The following FAM43A variants were observed in gnomAD, a reference collection of about 807,000 sequenced individuals.
The protein encoded by FAM43A is family with sequence similarity 43 member A, also known as protein FAM43A.
A neutral mutation model predicts 15.7 loss-of-function variants in FAM43A; 11 were observed. The ratio of observed to expected loss-of-function variants is 0.70; its 90% CI spans 0.44 to 1.16. The LOEUF (loss-of-function observed/expected upper bound fraction) is 1.16, where lower values mean the gene tolerates loss of function less well. Ranked by LOEUF, FAM43A falls within the 50% of genes most tolerant of loss-of-function variation. The pLI is 0.00. For synonymous variants in FAM43A, 319 were observed against 291.7 expected, an observed-to-expected ratio of 1.09 and a Z score of -0.96; for missense variants, 573 against 620.0, an observed-to-expected ratio of 0.92 and a Z score of 0.80.
At position 194,687,808 on chromosome 3, in the gene FAM43A, G is replaced by A. The variant is rs202084135; in HGVS notation, c.982G>A (p.Gly328Ser). 348 of 1,454,218 alleles carry A rather than the reference G, an allele frequency of 2.4e-4. 1 individual carries two copies. In the African/African-American group the frequency reaches 4.6e-3, roughly 19 times the overall value. 90.1% of individuals were successfully genotyped at this position (1,454,218 alleles called of 1,614,324 possible). A position where few individuals can be genotyped will look rare whatever the true frequency, so the allele number is the denominator to read the frequency against. ...ENGRGEALGGGGGSLGPGAGP... is the reference protein window; with the variant it reads ...ENGRGEALGGSGGSLGPGAGP... ...TGGCCGTGGGGAGGCGCTAGGAGGC[G>A]GCGGGGGCTCCCTGGGCCCGGGGGC... Residue 328 changes from glycine (G) to serine (S), a missense_variant, in exon 1 of 1, where the codon GGC (glycine) becomes AGC (serine). Physicochemically the swap from Gly to Ser is moderately conservative, Grantham distance 56. Coordinates refer to ENST00000329759, the MANE Select transcript of FAM43A (RefSeq NM_153690.5).
chr3:194,687,097 C>G lies in FAM43A; in HGVS notation c.271C>G (p.Leu91Val), dbSNP rs545455168. 6.2e-7 allele frequency: 1 copy of G among 1,613,670 alleles called. No homozygotes were observed. The highest frequency in any genetic ancestry group is 1.1e-5 in the South Asian group (1 of 91,086). ...IQARGDGCTD[L>V]AVGKIWSKSE... ...GGCGCGCGGCGACGGCTGCACCGACCTTGCTGTGGGCAAGATCTGGAGCAA... is the reference window on the plus strand; with the variant it reads ...GGCGCGCGGCGACGGCTGCACCGACGTTGCTGTGGGCAAGATCTGGAGCAA... Residue 91 changes from leucine to valine, a missense_variant, in exon 1 of 1, where the codon CTT becomes GTT. Coordinates refer to ENST00000329759, the MANE Select transcript of FAM43A (RefSeq NM_153690.5).
At position 194,687,679 on chromosome 3, in the gene FAM43A, C is replaced by T. The variant is rs1250414390; in HGVS notation, c.853C>T (p.Arg285Cys). 7.0e-6 allele frequency: 11 copies of T among 1,562,332 alleles called. No homozygotes were observed. Among genetic ancestry groups the T allele is most frequent in the South Asian group, 3.5e-5 (3 of 85,244 alleles). Residue 285 changes from arginine to cysteine, a missense_variant, in exon 1 of 1, where the codon CGT becomes TGT. Coordinates refer to ENST00000329759, the MANE Select transcript of FAM43A (RefSeq NM_153690.5). ...PEGCPEEEENRAAEGDPAEEE... is the reference protein window; with the variant it reads ...PEGCPEEEENCAAEGDPAEEE... ...GGGCTGCCCGGAGGAGGAGGAGAAC[C>T]GTGCGGCAGAGGGAGATCCAGCAGA...
In FAM43A at chr3:194,686,975, T is replaced by G; in HGVS notation, c.149T>G (p.Val50Gly). Residue 50 changes from valine (V) to glycine (G), a missense_variant, in exon 1 of 1, where the codon GTG (valine) becomes GGG (glycine). Val to Gly is a moderately radical substitution (Grantham distance 109). Transcript: ENST00000329759. Reference protein sequence around the residue: ...RACPEGALSRVGSMFRSKRKK... With the variant: ...RACPEGALSRGGSMFRSKRKK... ...TGCCCCGAAGGCGCGCTTAGCCGGG[T>G]GGGCAGCATGTTCCGCTCCAAGCGC... 1 of 1,610,828 alleles carries G rather than the reference T, an allele frequency of 6.2e-7. No individual in the cohort carries two copies. The highest frequency in any genetic ancestry group is 8.5e-7 in the Non-Finnish European group (1 of 1,178,036).
At position 194,687,910 on chromosome 3, in the gene FAM43A, G is replaced by A; in HGVS notation, c.1084G>A (p.Glu362Lys). 6.8e-7 allele frequency: 1 copy of A among 1,464,146 alleles called. No homozygotes were observed. Among genetic ancestry groups the A allele is most frequent in the Non-Finnish European group, 9.0e-7 (1 of 1,108,008 alleles). 90.7% of individuals were successfully genotyped at this position (1,464,146 alleles called of 1,614,324 possible). Reference sequence around the variant, plus strand: ...GTCGCAACTTATTAGCGACCTGGGCGAGCTCAGCTTCGGCAACGACGTGCG... The same window carrying A: ...GTCGCAACTTATTAGCGACCTGGGCAAGCTCAGCTTCGGCAACGACGTGCG... ...ELSQLISDLG[E>K]LSFGNDVRTL... Residue 362 changes from glutamate to lysine, a missense_variant, in exon 1 of 1, where the codon GAG becomes AAG. Physicochemically the swap from Glu to Lys is moderately conservative, Grantham distance 56. Transcript: ENST00000329759.
At position 194,687,563 on chromosome 3, in the gene FAM43A, G is replaced by C. The variant is rs1222467915; in HGVS notation, c.737G>C (p.Ser246Thr). The C allele has an allele frequency of 6.3e-7, 1 of 1,586,390 alleles. No individual in the cohort carries two copies. Among genetic ancestry groups the C allele is most frequent in the Non-Finnish European group, 8.6e-7 (1 of 1,166,486 alleles). Residue 246 changes from serine (S) to threonine (T), a missense_variant, in exon 1 of 1, where the codon AGC becomes ACC. By Grantham distance (58) the Ser-to-Thr change is moderately conservative. Transcript: ENST00000329759. ...AAACCGCCGGTGGAGCGCAGCCGCAGCGCGCCCAAGCTTGGCTCCATCACC... is the reference window on the plus strand; with the variant it reads ...AAACCGCCGGTGGAGCGCAGCCGCACCGCGCCCAAGCTTGGCTCCATCACC... ...CYKPPVERSR[S>T]APKLGSITED...
At position 194,686,918 on chromosome 3, in the gene FAM43A, A is replaced by G. The variant is rs1719430570; in HGVS notation, c.92A>G (p.His31Arg). The G allele has an allele frequency of 2.5e-6, 4 of 1,610,220 alleles. No homozygotes were observed. In the South Asian group the frequency reaches 4.4e-5, roughly 18 times the overall value. ...SKPKGYAVSL[H>R]YSALSSLARA... Reference sequence around the variant, plus strand: ...CCCAAGGGCTACGCTGTGAGCCTGCACTACTCGGCGCTCAGCTCGCTGGCG... The same window carrying G: ...CCCAAGGGCTACGCTGTGAGCCTGCGCTACTCGGCGCTCAGCTCGCTGGCG... The change falls in exon 1 of 1, where the codon CAC becomes CGC. Residue 31 changes from histidine to arginine, a missense_variant. His to Arg is a conservative substitution (Grantham distance 29). Transcript: ENST00000329759.
chr3:194,688,033 G>A lies in FAM43A; in HGVS notation c.1207G>A (p.Ala403Thr). 1 of 1,417,648 alleles carries A rather than the reference G, an allele frequency of 7.1e-7. No homozygotes were observed. Among genetic ancestry groups the A allele is most frequent in the South Asian group, 1.7e-5 (1 of 59,706 alleles). The allele number at this position is 1,417,648 out of a possible 1,614,324, so 87.8% of individuals were successfully genotyped here. A position where few individuals can be genotyped will look rare whatever the true frequency, so the allele number is the denominator to read the frequency against. ...GGGCGGGGGCCCTGACGCCACCTCC[G>A]CCACCGCCGGGGACTCGTCCCGCCA... ...IEGGGPDATSATAGDSSRQAD... is the reference protein window; with the variant it reads ...IEGGGPDATSTTAGDSSRQAD... The change falls in exon 1 of 1, where the codon GCC (alanine) becomes ACC (threonine). Residue 403 changes from alanine to threonine, a missense_variant. Transcript: ENST00000329759.
In FAM43A at chr3:194,687,384, G is replaced by A; in HGVS notation, c.558G>A (p.Leu186=). The A allele has an allele frequency of 6.5e-7, 1 of 1,537,862 alleles. No homozygotes were observed. The highest frequency in any genetic ancestry group is 8.7e-7 in the Non-Finnish European group (1 of 1,144,126). Residue 186 remains leucine, a synonymous_variant, in exon 1 of 1, where the codon CTG becomes CTA. Coordinates refer to ENST00000329759, the MANE Select transcript of FAM43A (RefSeq NM_153690.5). ...SKPEKAQAMA[L]LLYQTSANAL... Reference sequence around the variant, plus strand: ...CCGAAAAGGCGCAGGCCATGGCCCTGCTGCTCTACCAGACGTCGGCCAACG... The same window carrying A: ...CCGAAAAGGCGCAGGCCATGGCCCTACTGCTCTACCAGACGTCGGCCAACG...
Position 194,687,519 on chromosome 3 carries a change from A to T in FAM43A, c.693A>T (p.Leu231=). 6.4e-7 allele frequency: 1 copy of T among 1,563,792 alleles called. No individual in the cohort carries two copies. Residue 231 remains leucine, a synonymous_variant, in exon 1 of 1, where the codon CTA becomes CTT. Transcript: ENST00000329759. ...IPLVPLRKLL[L]HGPCCYKPPV... is the part of the protein sequence containing the mutation. ...TAGTGCCGCTGCGCAAGCTGCTCCT[A>T]CACGGACCCTGCTGCTATAAACCGC...
rs530363183 is a variant in FAM43A at position 194,686,190 on chromosome 3, A to G, written c.-637A>G. On this transcript the variant is annotated 5_prime_UTR_variant, in exon 1 of 1. Transcript: ENST00000329759. ...GGGCCCGCCGCGGCCAGCCGGACCCAGCATCCGACCGCACTTTGGGCGAGC... is the reference window on the plus strand; with the variant it reads ...GGGCCCGCCGCGGCCAGCCGGACCCGGCATCCGACCGCACTTTGGGCGAGC... Among the ~76,000 whole-genome samples the G allele has an allele frequency of 3.9e-4, 60 of 152,276 alleles. 1 individual carries two copies. In the South Asian group the frequency reaches 0.012, roughly 30 times the overall value.
rs1297116632 is a variant in FAM43A, at chr3:194,688,388, G to T, written c.*290G>T. 2 of 336,138 alleles carry T rather than the reference G, an allele frequency of 5.9e-6. No homozygotes were observed. Among genetic ancestry groups the T allele is most frequent in the Non-Finnish European group, 1.1e-5 (2 of 178,470 alleles). The allele number at this position is 336,138 out of a possible 1,614,324, so 20.8% of individuals were successfully genotyped here. On this transcript the variant is annotated 3_prime_UTR_variant, in exon 1 of 1. Coordinates refer to ENST00000329759, the MANE Select transcript of FAM43A (RefSeq NM_153690.5). ...CCCCTCTGGGATGCGGGTGAGGGAAGGTTGGCTGAAGTTCCTAGTCTCAGG... is the reference window on the plus strand; with the variant it reads ...CCCCTCTGGGATGCGGGTGAGGGAATGTTGGCTGAAGTTCCTAGTCTCAGG...
rs1719455995 is a variant in FAM43A at position 194,687,792 on chromosome 3, G to A, written c.966G>A (p.Gly322=). 2 of 1,458,140 alleles carry A rather than the reference G, an allele frequency of 1.4e-6. No individual in the cohort carries two copies. The highest frequency in any genetic ancestry group is 1.8e-6 in the Non-Finnish European group (2 of 1,101,692). 90.3% of individuals were successfully genotyped at this position (1,458,140 alleles called of 1,614,324 possible). A position where few individuals can be genotyped will look rare whatever the true frequency, so the allele number is the denominator to read the frequency against. ...TGGATACTCTGGAGAATGGCCGTGG[G>A]GAGGCGCTAGGAGGCGGCGGGGGCT... ...DLLDTLENGR[G]EALGGGGGSL... The change falls in exon 1 of 1, where the codon GGG becomes GGA. Residue 322 remains glycine, a synonymous_variant. Transcript: ENST00000329759.
In FAM43A at chr3:194,687,627, GGAGGAA is replaced by G. The variant is rs1295144809; in HGVS notation, c.813_818del (p.Glu272_Glu273del). 1.3e-6 allele frequency: 2 copies of G among 1,566,574 alleles called. No individual in the cohort carries two copies. The highest frequency in any genetic ancestry group is 1.9e-5 in the Admixed American group (1 of 52,948). On this transcript the variant is annotated inframe_deletion, in exon 1 of 1. Coordinates refer to ENST00000329759, the MANE Select transcript of FAM43A (RefSeq NM_153690.5). ...GCGAACAGCTGGAGCAGGAGCTGCA[GGAGGAA>G]GAGGAAGAGGAGCAACCCGAGGGCT... is the stretch of plus-strand genomic sequence containing the variant.
chr3:194,687,080 G>A lies in FAM43A; in HGVS notation c.254G>A (p.Gly85Asp), dbSNP rs749751468. Reference protein sequence around the residue: ...LGNATTIQARGDGCTDLAVGK... With the variant: ...LGNATTIQARDDGCTDLAVGK... The stretch of plus-strand genomic sequence containing the variant: ...AATGCCACCACCATCCAGGCGCGCG[G>A]CGACGGCTGCACCGACCTTGCTGTG... The change falls in exon 1 of 1, where the codon GGC (glycine) becomes GAC (aspartate). Residue 85 changes from glycine (G) to aspartate (D), a missense_variant. Transcript: ENST00000329759. The A allele has an allele frequency of 6.2e-7, 1 of 1,613,676 alleles. No homozygotes were observed. Among genetic ancestry groups the A allele is most frequent in the Admixed American group, 1.7e-5 (1 of 60,036 alleles).
Position 194,687,109 on chromosome 3 carries a change from A to C in FAM43A, c.283A>C (p.Lys95Gln). 6.2e-7 allele frequency: 1 copy of C among 1,613,598 alleles called. No homozygotes were observed. The change falls in exon 1 of 1, where the codon AAG becomes CAG. Residue 95 changes from lysine (K) to glutamine (Q), a missense_variant. Lys to Gln is a moderately conservative substitution (Grantham distance 53). Coordinates refer to ENST00000329759, the MANE Select transcript of FAM43A (RefSeq NM_153690.5). ...GDGCTDLAVGKIWSKSEAGRQ... is the reference protein window; with the variant it reads ...GDGCTDLAVGQIWSKSEAGRQ... Reference sequence around the variant, plus strand: ...CGGCTGCACCGACCTTGCTGTGGGCAAGATCTGGAGCAAGAGCGAGGCGGG... The same window carrying C: ...CGGCTGCACCGACCTTGCTGTGGGCCAGATCTGGAGCAAGAGCGAGGCGGG...
rs777326075 is a variant in FAM43A at position 194,687,872 on chromosome 3, T to G, written c.1046T>G (p.Met349Arg). 38 of 1,467,034 alleles carry G rather than the reference T, an allele frequency of 2.6e-5. No individual in the cohort carries two copies. Among genetic ancestry groups the G allele is most frequent in the Non-Finnish European group, 3.2e-5 (35 of 1,108,884 alleles). The allele number at this position is 1,467,034 out of a possible 1,614,324, so 90.9% of individuals were successfully genotyped here. ...PPLLLGSASDMKAELSQLISD... is the reference protein window; with the variant it reads ...PPLLLGSASDRKAELSQLISD... The stretch of plus-strand genomic sequence containing the variant: ...CTGCTGCTGGGCAGCGCCTCCGACA[T>G]GAAGGCTGAGCTGTCGCAACTTATT... Residue 349 changes from methionine (M) to arginine (R), a missense_variant, in exon 1 of 1, where the codon ATG becomes AGG. By Grantham distance (91) the Met-to-Arg change is moderately conservative. Transcript: ENST00000329759.
chr3:194,687,359 C>T lies in FAM43A; in HGVS notation c.533C>T (p.Pro178Leu). ...TGCCACGCCGTGCTGGTGTCCAAGC[C>T]CGAAAAGGCGCAGGCCATGGCCCTG... Reference protein sequence around the residue: ...LRCHAVLVSKPEKAQAMALLL... With the variant: ...LRCHAVLVSKLEKAQAMALLL... Residue 178 changes from proline to leucine, a missense_variant, in exon 1 of 1, where the codon CCC (proline) becomes CTC (leucine). Transcript: ENST00000329759. The T allele has an allele frequency of 6.5e-7, 1 of 1,540,842 alleles. No individual in the cohort carries two copies.
rs1434247331 is a variant in FAM43A, at chr3:194,688,411, A to G, written c.*313A>G. 7.0e-6 allele frequency: 2 copies of G among 285,080 alleles called. No individual in the cohort carries two copies. The highest frequency in any genetic ancestry group is 5.4e-5 in the Admixed American group (1 of 18,678). 17.7% of individuals were successfully genotyped at this position (285,080 alleles called of 1,614,324 possible). On this transcript the variant is annotated 3_prime_UTR_variant, in exon 1 of 1. Coordinates refer to ENST00000329759, the MANE Select transcript of FAM43A (RefSeq NM_153690.5). ...AAGGTTGGCTGAAGTTCCTAGTCTC[A>G]GGCCGTAGGTGCCTGGCCAGTTTCC...
At position 194,687,651 on chromosome 3, in the gene FAM43A, C is replaced by A; in HGVS notation, c.825C>A (p.Pro275=). ...ELQEEEEEEQ[P]EGCPEEEENR... is the part of the protein sequence containing the mutation. ...AGGAGGAAGAGGAAGAGGAGCAACC[C>A]GAGGGCTGCCCGGAGGAGGAGGAGA... Residue 275 remains proline, a synonymous_variant, in exon 1 of 1, where the codon CCC becomes CCA. Transcript: ENST00000329759. The A allele has an allele frequency of 6.4e-7, 1 of 1,562,886 alleles. No homozygotes were observed. The highest frequency in any genetic ancestry group is 2.4e-5 in the East Asian group (1 of 42,168).
Sources: gnomAD v4.1 joint callset for allele counts (sites outside exome capture counted in the v4.1 genomes callset) on GRCh38, gnomAD v4.1.1 for gene constraint, MANE v1.5 for transcripts, NCBI Gene and HGNC (gene_info 2026-07-23, HGNC 2026-07-21) for gene names.